Variants in LRRC7 observed in about 807,000 individuals in gnomAD.
The protein encoded by LRRC7 is leucine-rich repeat-containing protein 7.
LRRC7 carries 23 observed loss-of-function variants against 175.7 expected under a neutral mutation model. The observed-to-expected ratio is 0.13, with a 90% CI of 0.09 to 0.19. The LOEUF is 0.19. Ranked by LOEUF, LRRC7 falls within the 10% of genes least tolerant of loss-of-function variation. The pLI is 1.00. For synonymous variants in LRRC7, 685 were observed against 680.9 expected (o/e 1.01, Z -0.09); for missense variants, 1,354 against 1,904.7 (o/e 0.71, Z 5.38).
At chr1:69,897,032 A>C (rs986852269) in intron 7 of LRRC7, among the ~76,000 whole-genome samples, 9 of 152,232 alleles carry the variant, frequency 5.9e-5, no homozygotes, top group African/African-American at 1.9e-4. Flanking sequence ...TCATTTTTCC[A>C]ATGATAATAA....
intron 1 of LRRC7, among the ~76,000 whole-genome samples, chr1:69,670,892 C>T (rs1169094103): frequency 6.6e-6 from 1 of 152,092 alleles, no homozygotes; most frequent in East Asian, 1.9e-4. Flanking sequence ...TGGCATGGGA[C>T]TCACTATTCG....
At chr1:70,094,742 A>G (rs763228825) in intron 25 of LRRC7, among the ~76,000 whole-genome samples, 1 of 152,206 alleles carries the variant, frequency 6.6e-6, no homozygotes, top group Non-Finnish European at 1.5e-5. Flanking sequence ...TCCAAGGATA[A>G]CAATACTCAG....
At chr1:69,639,143 G>A (rs1242705194) in intron 1 of LRRC7, among the ~76,000 whole-genome samples, 4 of 151,650 alleles carry the variant, frequency 2.6e-5, no homozygotes, top group African/African-American at 9.7e-5. Context: ...TTAATGACAG[G>A]TATCAGTTTA....
intron 1 of LRRC7, among the ~76,000 whole-genome samples, chr1:69,606,109 G>A (rs1262739462): frequency 6.6e-6 from 1 of 152,068 alleles, no homozygotes; most frequent in African/African-American, 2.4e-5. Context: ...TCCCTTTCAT[G>A]CAAGTACAAA....
intron 18 of LRRC7, among the ~76,000 whole-genome samples, chr1:70,028,793 G>T (rs1658396261): frequency 6.6e-6 from 1 of 151,888 alleles, no homozygotes; most frequent in Non-Finnish European, 1.5e-5. Context: ...TTTATCTTTG[G>T]GTTACAACTT....
intron 2 of LRRC7, among the ~76,000 whole-genome samples, chr1:69,705,951 T>C (rs1663981743): frequency 1.3e-5 from 2 of 152,090 alleles, no homozygotes; most frequent in Non-Finnish European, 2.9e-5. Context: ...ACATCTTCCC[T>C]CCAAAAAATA....
At chr1:70,087,532 A>G (rs148746034) in intron 24 of LRRC7, among the ~76,000 whole-genome samples, 1 of 152,254 alleles carries the variant, frequency 6.6e-6, no homozygotes, top group East Asian at 1.9e-4. Flanking sequence ...AGCACACTGA[A>G]TAAGGCTAAA....
In LRRC7 at chr1:70,130,723, A is replaced by C. The variant is rs907676720; in HGVS notation, c.*8836A>C. ...TGATTGGGTTTCCTTTCTCTTTGAG[A>C]AGAAGTCATGCACATTGTCACTAGA... On this transcript the variant is annotated 3_prime_UTR_variant, in exon 27 of 27. Coordinates refer to ENST00000651989, the MANE Select transcript of LRRC7 (RefSeq NM_001370785.2). Among the ~76,000 whole-genome samples the C allele has an allele frequency of 2.0e-5, 3 of 152,134 alleles. No homozygotes were observed. The highest frequency in any genetic ancestry group is 7.2e-5 in the African/African-American group (3 of 41,420).
intron 2 of LRRC7, among the ~76,000 whole-genome samples, chr1:69,707,986 T>C (rs548514546): frequency 6.6e-6 from 1 of 152,278 alleles, no homozygotes; most frequent in East Asian, 1.9e-4. Flanking sequence ...CCCTTGAGTA[T>C]CCTTTATATA....
chr1:69,819,575 CTCTGTGTGTGTGTGTG>C (rs1213845851), intron 4 of LRRC7, among the ~76,000 whole-genome samples: 8 of 133,318 alleles, frequency 6.0e-5, no homozygotes, highest in African/African-American at 1.6e-4. Flanking sequence ...CTCTCTCTCT[CTCTGTGTGTGTGTGTG>C]TGTGTGTGTG....
rs567294199 is a variant in LRRC7, at chr1:70,041,240, G to A, written c.3969+1447G>A. Among the ~76,000 whole-genome samples, 5 of 152,234 alleles carry A rather than the reference G, an allele frequency of 3.3e-5. No homozygotes were observed. The South Asian group carries it at 8.3e-4, about 25-fold the overall frequency. On this transcript the variant is annotated intron_variant, in intron 21 of 26. Coordinates refer to ENST00000651989, the MANE Select transcript of LRRC7 (RefSeq NM_001370785.2). ...GTATTTCTTTAATACTGAATTTTAC[G>A]TTTACAGGTTTACTCTTTTCAAATA...
At chr1:69,629,548 A>G (rs973325422) in intron 1 of LRRC7, among the ~76,000 whole-genome samples, 2 of 152,100 alleles carry the variant, frequency 1.3e-5, no homozygotes, top group African/African-American at 4.8e-5. Context: ...TCTATAACCT[A>G]TTATTCAAAC....
intron 1 of LRRC7, among the ~76,000 whole-genome samples, chr1:69,638,729 A>G (rs189461466): frequency 6.6e-6 from 1 of 151,940 alleles, no homozygotes; most frequent in African/African-American, 2.4e-5. Context: ...ATCTGTTCAA[A>G]TGAAAGTACA....
At chr1:69,905,381 A>G (rs1372648719) in intron 7 of LRRC7, among the ~76,000 whole-genome samples, 4 of 152,020 alleles carry the variant, frequency 2.6e-5, no homozygotes, top group African/African-American at 7.2e-5. Context: ...AGCATTAGGT[A>G]TATCTCCTAA....
At chr1:69,827,393 G>A (rs1302283285) in intron 5 of LRRC7, among the ~76,000 whole-genome samples, 1 of 151,984 alleles carries the variant, frequency 6.6e-6, no homozygotes, top group African/African-American at 2.4e-5. Context: ...CCCTTCATAT[G>A]TATAACTTTT....
chr1:69,591,563 C>T (rs1477996240), intron 1 of LRRC7, among the ~76,000 whole-genome samples: 1 of 152,010 alleles, frequency 6.6e-6, no homozygotes, highest in Non-Finnish European at 1.5e-5. Context: ...ACTCTAAGGG[C>T]ATTTATAAAT....
intron 6 of LRRC7, among the ~76,000 whole-genome samples, chr1:69,836,271 A>G (rs1362233901): frequency 6.6e-6 from 1 of 152,018 alleles, no homozygotes; most frequent in Non-Finnish European, 1.5e-5. Flanking sequence ...TGAACAGCAT[A>G]TACTTGAGCA....
At chr1:70,021,200 T>C in intron 16 of LRRC7, 71 bp downstream of exon 16, 9 of 1,495,862 alleles carry the variant, frequency 6.0e-6, no homozygotes, top group Non-Finnish European at 8.2e-6. Context: ...CTTATTCAGA[T>C]AGATTTTGGG....
At chr1:69,937,421 C>T (rs1648159422) in intron 8 of LRRC7, among the ~76,000 whole-genome samples, 1 of 151,896 alleles carries the variant, frequency 6.6e-6, no homozygotes. Flanking sequence ...ATTGATATTC[C>T]ATTTTTTCTC....
Sources: allele counts gnomAD v4.1 joint callset (sites outside exome capture counted in the v4.1 genomes callset), GRCh38; gene constraint gnomAD v4.1.1; transcripts MANE v1.5; gene names NCBI Gene and HGNC (gene_info 2026-07-23, HGNC 2026-07-21).